PDE4D: variants seen among roughly 807,000 people sequenced by gnomAD.
The protein encoded by PDE4D is 3',5'-cyclic-AMP phosphodiesterase 4D.
In PDE4D, 24 loss-of-function variants were observed where a neutral mutation model predicts 87.4. The ratio of observed to expected loss-of-function variants is 0.27; its 90% CI spans 0.20 to 0.39. The LOEUF (loss-of-function observed/expected upper bound fraction) is 0.39, where lower values mean the gene tolerates loss of function less well. Among genes scored for constraint, PDE4D ranks in the 10% least tolerant of loss-of-function variants. The pLI is 1.00. For missense variants in PDE4D, 714 were observed against 1,041.0 expected, an observed-to-expected ratio of 0.69 and a Z score of 4.32; for synonymous variants, 384 against 383.2, an observed-to-expected ratio of 1.00 and a Z score of -0.02.
chr5:59,973,039 C>T (rs866394316), intron 3 of PDE4D, among the ~76,000 whole-genome samples: 27 of 152,206 alleles, frequency 1.8e-4, no homozygotes, highest in Middle Eastern at 6.8e-3. Context: ...CCCTACCTCC[C>T]ACCATAGTTG....
intron 1 of PDE4D, among the ~76,000 whole-genome samples, chr5:59,639,935 TC>T (rs1357692245): frequency 4.7e-5 from 7 of 149,960 alleles, no homozygotes; most frequent in Admixed American, 3.3e-4. Flanking sequence ...ATGTAACAGT[TC>T]TTTTTTTTTT....
At chr5:59,677,107 G>GA (rs1005719802) in intron 1 of PDE4D, among the ~76,000 whole-genome samples, 67 of 145,050 alleles carry the variant, frequency 4.6e-4, no homozygotes, top group East Asian at 9.9e-4. Context: ...CTTGTGAATT[G>GA]AAAAAAAAAA....
intron 1 of PDE4D, 111 bp from the exon 2 acceptor site, chr5:59,216,079 A>ATTTTC: frequency 1.5e-6 from 1 of 679,498 alleles, no homozygotes; most frequent in Non-Finnish European, 2.5e-6. Context: ...CAGGAATGAA[A>ATTTTC]ATTACAGCTA....
chr5:59,044,118 G>A (rs556902233), intron 5 of PDE4D, among the ~76,000 whole-genome samples: 1 of 152,138 alleles, frequency 6.6e-6, no homozygotes, highest in Non-Finnish European at 1.5e-5. Flanking sequence ...CTAGACCCTT[G>A]AGGAATCGCC....
intron 3 of PDE4D, among the ~76,000 whole-genome samples, chr5:59,939,624 G>A (rs559789932): frequency 1.3e-5 from 2 of 152,222 alleles, no homozygotes; most frequent in East Asian, 1.9e-4. Flanking sequence ...AAAGACAAAC[G>A]AAGGGCAAAT....
chr5:60,515,793 C>T (rs946021074), intron 1 of PDE4D, among the ~76,000 whole-genome samples: 3 of 151,788 alleles, frequency 2.0e-5, no homozygotes, highest in African/African-American at 4.8e-5. Flanking sequence ...GGGTTACAAA[C>T]CAGACTCATT....
intron 1 of PDE4D, among the ~76,000 whole-genome samples, chr5:60,206,873 A>G (rs1012075118): frequency 1.3e-5 from 2 of 152,264 alleles, no homozygotes; most frequent in Non-Finnish European, 2.9e-5. Flanking sequence ...TCTTGTTTAG[A>G]GAGCAAGGCT....
intron 1 of PDE4D, among the ~76,000 whole-genome samples, chr5:59,221,865 C>G (rs1752646233): frequency 6.6e-6 from 1 of 152,122 alleles, no homozygotes; most frequent in East Asian, 1.9e-4. Context: ...GTTTGCTTCC[C>G]TTAATGCAAT....
chr5:59,072,473 G>T (rs1393647254), intron 5 of PDE4D, among the ~76,000 whole-genome samples: 1 of 152,166 alleles, frequency 6.6e-6, no homozygotes, highest in Non-Finnish European at 1.5e-5. Context: ...TCTGTTTTCA[G>T]AATGGCACTC....
intron 5 of PDE4D, among the ~76,000 whole-genome samples, chr5:59,081,137 T>A (rs971567435): frequency 8.5e-5 from 13 of 152,190 alleles, no homozygotes; most frequent in Non-Finnish European, 1.3e-4. Flanking sequence ...GAATTTACAC[T>A]TTTAACTGAT....
At chr5:59,561,659 GT>G (rs1168121134) in intron 1 of PDE4D, among the ~76,000 whole-genome samples, 1 of 152,266 alleles carries the variant, frequency 6.6e-6, no homozygotes, top group East Asian at 1.9e-4. Context: ...ACCAGGCATG[GT>G]GGCTCACGCC....
chr5:59,402,192 T>G (rs1365894087), intron 1 of PDE4D, among the ~76,000 whole-genome samples: 1 of 152,200 alleles, frequency 6.6e-6, no homozygotes. Flanking sequence ...GATCATCTCG[T>G]TTAAAGTGTG....
intron 5 of PDE4D, chr5:59,156,919 T>C (rs1382595870): frequency 1.2e-5 from 2 of 163,438 alleles, no homozygotes; most frequent in Non-Finnish European, 1.3e-5. Context: ...TACTTTATAG[T>C]AAGCAAAAAG....
intron 1 of PDE4D, among the ~76,000 whole-genome samples, chr5:59,877,498 AAAGAAG>A (rs578184969): frequency 7.3e-6 from 1 of 137,344 alleles, no homozygotes; most frequent in Non-Finnish European, 1.5e-5. Flanking sequence ...AAAAAAAAAA[AAAGAAG>A]AAGAACAAAA....
upstream of PDE4D, among the ~76,000 whole-genome samples, chr5:60,489,036 C>A (rs1749370047): frequency 6.6e-6 from 1 of 152,102 alleles, no homozygotes; most frequent in African/African-American, 2.4e-5. Context: ...TCTACATTTG[C>A]AGTTATTAAA....
chr5:59,422,016 T>C (rs936766968), intron 1 of PDE4D, among the ~76,000 whole-genome samples: 14 of 152,134 alleles, frequency 9.2e-5, no homozygotes, highest in African/African-American at 2.9e-4. Context: ...GCCAATAAAA[T>C]ACATAAATAT....
In PDE4D at chr5:59,130,754, C is replaced by T. The variant is rs187085823; in HGVS notation, c.808+49841G>A. 3.3e-5 allele frequency among the ~76,000 whole-genome samples: 5 copies of T among 152,300 alleles called. No homozygotes were observed. In the East Asian group the frequency reaches 9.6e-4, roughly 29 times the overall value. On this transcript the variant is annotated intron_variant, in intron 5 of 14. Transcript: ENST00000340635. ...AGCACTGGAGAAAAAGTTCTTGTTT[C>T]TAATGGAATCATCCTGCCCTTACCT... is the stretch of plus-strand genomic sequence containing the variant.
At chr5:59,612,730 T>C (rs1340221019) in intron 1 of PDE4D, among the ~76,000 whole-genome samples, 3 of 152,132 alleles carry the variant, frequency 2.0e-5, no homozygotes, top group African/African-American at 7.2e-5. Context: ...ACTCTGAAGA[T>C]ATCCAAATAA....
At chr5:59,402,577 A>C (rs1051596090) in intron 1 of PDE4D, among the ~76,000 whole-genome samples, 3 of 151,990 alleles carry the variant, frequency 2.0e-5, no homozygotes. Context: ...TCAAATGTTA[A>C]AAAATTCCAA....
Sources: allele counts gnomAD v4.1 joint callset (sites outside exome capture counted in the v4.1 genomes callset), GRCh38; gene constraint gnomAD v4.1.1; transcripts MANE v1.5; gene names NCBI Gene and HGNC (gene_info 2026-07-23, HGNC 2026-07-21).